SORCS1: variants seen among roughly 807,000 people sequenced by gnomAD.
The protein encoded by SORCS1 is sortilin related VPS10 domain containing receptor 1.
In SORCS1, 60 loss-of-function variants were observed where a neutral mutation model predicts 146.1. That is an observed-to-expected ratio of 0.41 (90% CI 0.33 to 0.51). SORCS1 has a LOEUF of 0.51. Among genes scored for constraint, SORCS1 ranks in the 20% least tolerant of loss-of-function variants. The pLI, the probability that SORCS1 is intolerant of heterozygous loss-of-function variation, is 0.21. For synonymous variants in SORCS1, 637 were observed against 584.0 expected (o/e 1.09, Z -1.31); for missense variants, 1,352 against 1,487.6 (o/e 0.91, Z 1.50).
At chr10:106,689,965 T>C (rs1853171781) in intron 9 of SORCS1, among the ~76,000 whole-genome samples, 1 of 152,214 alleles carries the variant, frequency 6.6e-6, no homozygotes, top group South Asian at 2.1e-4. Context: ...AACTAAATGG[T>C]ATAAATGAGC....
At chr10:106,843,967 C>T (rs1949185880) in intron 2 of SORCS1, among the ~76,000 whole-genome samples, 2 of 152,156 alleles carry the variant, frequency 1.3e-5, no homozygotes, top group South Asian at 2.1e-4. Context: ...CTTTTAGGAG[C>T]CACCACATTG....
chr10:106,717,292 G>C (rs772146291), intron 6 of SORCS1, among the ~76,000 whole-genome samples: 21 of 152,144 alleles, frequency 1.4e-4, no homozygotes, highest in Non-Finnish European at 2.5e-4. Flanking sequence ...CATCACGCAC[G>C]CACACACGTG....
intron 2 of SORCS1, among the ~76,000 whole-genome samples, chr10:106,864,647 A>G (rs1158003017): frequency 6.6e-6 from 1 of 152,020 alleles, no homozygotes; most frequent in East Asian, 1.9e-4. Flanking sequence ...CCCACAACAC[A>G]TCAGGATAAG....
chr10:106,815,119 C>G lies in SORCS1; in HGVS notation c.726+14455G>C, dbSNP rs201878975. On this transcript the variant is annotated intron_variant, in intron 3 of 25. Coordinates refer to ENST00000263054, the MANE Select transcript of SORCS1 (RefSeq NM_052918.5). The stretch of plus-strand genomic sequence containing the variant: ...GGATACAGGTGCATGCCACCACACC[C>G]AGCTAATTTTTCTATTTTTAGTAAA... 5.9e-5 allele frequency among the ~76,000 whole-genome samples: 9 copies of G among 151,842 alleles called. No homozygotes were observed. In the East Asian group the frequency reaches 1.8e-3, roughly 30 times the overall value.
At chr10:106,885,541 C>T (rs996414030) in intron 2 of SORCS1, among the ~76,000 whole-genome samples, 20 of 150,908 alleles carry the variant, frequency 1.3e-4, no homozygotes, top group African/African-American at 2.2e-4. Context: ...TTGCAGGAAA[C>T]GTGAACAACT....
At chr10:106,990,010 T>C (rs535513691) in intron 1 of SORCS1, among the ~76,000 whole-genome samples, 1 of 152,184 alleles carries the variant, frequency 6.6e-6, no homozygotes, top group South Asian at 2.1e-4. Context: ...TAATTCAGCC[T>C]GATTCATGTT....
chr10:107,003,940 C>T (rs1286891491), intron 1 of SORCS1, among the ~76,000 whole-genome samples: 1 of 151,982 alleles, frequency 6.6e-6, no homozygotes, highest in Non-Finnish European at 1.5e-5. Flanking sequence ...CTTTGGGAGG[C>T]CGAGGAGGGT....
intron 18 of SORCS1, among the ~76,000 whole-genome samples, chr10:106,636,457 A>C (rs945164348): frequency 1.3e-5 from 2 of 152,144 alleles, no homozygotes; most frequent in African/African-American, 4.8e-5. Flanking sequence ...AGACTGGGTA[A>C]TTTATAAAGA....
At chr10:107,155,552 T>A (rs184249169) in intron 1 of SORCS1, among the ~76,000 whole-genome samples, 1 of 152,292 alleles carries the variant, frequency 6.6e-6, no homozygotes, top group East Asian at 1.9e-4. Flanking sequence ...GGGCTGCACA[T>A]GATAAATTTC....
In SORCS1 at chr10:106,802,252, T is replaced by G. The variant is rs145309852; in HGVS notation, c.727-25560A>C. ...AGAAAGTATTATGAGAGTGATAAGG[T>G]GAGCCTGGCTTCAGGGAAGATTTGC... On this transcript the variant is annotated intron_variant, in intron 3 of 25. Coordinates refer to ENST00000263054, the MANE Select transcript of SORCS1 (RefSeq NM_052918.5). 5.5e-3 allele frequency among the ~76,000 whole-genome samples: 837 copies of G among 152,298 alleles called. 11 individuals carry two copies. Among genetic ancestry groups the G allele is most frequent in the African/African-American group, 0.019 (782 of 41,566 alleles).
intron 2 of SORCS1, among the ~76,000 whole-genome samples, chr10:106,889,967 CACT>C (rs1257062525): frequency 1.3e-5 from 2 of 148,910 alleles, no homozygotes; most frequent in African/African-American, 5.0e-5. Flanking sequence ...GATGACTTTA[CACT>C]ACTATTTCTC....
intron 5 of SORCS1, among the ~76,000 whole-genome samples, chr10:106,755,775 C>G (rs1009829790): frequency 3.3e-5 from 5 of 152,090 alleles, no homozygotes; most frequent in Non-Finnish European, 5.9e-5. Context: ...CTCTCAGATT[C>G]AATCCCTGGA....
At chr10:106,985,853 C>G (rs1239243849) in intron 1 of SORCS1, among the ~76,000 whole-genome samples, 1 of 152,048 alleles carries the variant, frequency 6.6e-6, no homozygotes, top group Non-Finnish European at 1.5e-5. Flanking sequence ...GCTTTCACAA[C>G]AGCCCTATGG....
intron 4 of SORCS1, among the ~76,000 whole-genome samples, chr10:106,762,476 T>C (rs1859204876): frequency 7.2e-6 from 1 of 137,972 alleles, no homozygotes; most frequent in Non-Finnish European, 1.5e-5. Flanking sequence ...CACTGCAAGC[T>C]CTGCCTCCCG....
Position 106,672,932 on chromosome 10 carries a change from T to C in SORCS1, c.1994A>G (p.Tyr665Cys). Residue 665 changes from tyrosine (Y) to cysteine (C), a missense_variant, in exon 15 of 26, where the codon TAC (tyrosine) becomes TGC (cysteine). This residue lies in a region of SORCS1 where 648 missense variants were observed against 793.8 expected (regional missense o/e 0.82). Transcript: ENST00000263054. ...RSEWQLVKVD[Y>C]KSIFDRRCAE... ...ACACCGTCTATCAAAAATGGACTTG[T>C]AATCTACTTTGACCAGCTGCCATTC... is the stretch of plus-strand genomic sequence containing the variant. The C allele has an allele frequency of 6.2e-7, 1 of 1,614,120 alleles. No homozygotes were observed. The highest frequency in any genetic ancestry group is 1.1e-5 in the South Asian group (1 of 91,076).
chr10:106,902,120 T>C (rs575731333), intron 2 of SORCS1, among the ~76,000 whole-genome samples: 1 of 152,260 alleles, frequency 6.6e-6, no homozygotes, highest in East Asian at 1.9e-4. Flanking sequence ...ACAATACTCA[T>C]GTAATTAGTA....
At chr10:106,745,676 T>C (rs1857680443) in intron 5 of SORCS1, among the ~76,000 whole-genome samples, 1 of 152,154 alleles carries the variant, frequency 6.6e-6, no homozygotes, top group African/African-American at 2.4e-5. Flanking sequence ...TTCCTTTGAG[T>C]GTGGGCTGAA....
intron 5 of SORCS1, among the ~76,000 whole-genome samples, chr10:106,744,951 C>T (rs1857613724): frequency 6.6e-6 from 1 of 152,154 alleles, no homozygotes; most frequent in Non-Finnish European, 1.5e-5. Flanking sequence ...AGTGCATTTG[C>T]TTCTGACGTC....
chr10:106,621,944 T>C (rs1026715167), intron 19 of SORCS1, among the ~76,000 whole-genome samples: 2 of 152,278 alleles, frequency 1.3e-5, no homozygotes, highest in East Asian at 1.9e-4. Context: ...GTAATTTTTC[T>C]AGAAAGCGAA....
Sources: gnomAD v4.1 joint callset for allele counts (sites outside exome capture counted in the v4.1 genomes callset) on GRCh38, gnomAD v4.1.1 for gene constraint, gnomAD v4.1.1 regional missense constraint, MANE v1.5 for transcripts, NCBI Gene and HGNC (gene_info 2026-07-23, HGNC 2026-07-21) for gene names.